EXTL3: variants seen among roughly 807,000 people sequenced by gnomAD.
EXTL3 encodes exostosin-like 3.
In EXTL3, 27 loss-of-function variants were observed where a neutral mutation model predicts 69.3. The ratio of observed to expected loss-of-function variants is 0.39; its 90% CI spans 0.29 to 0.54. The LOEUF (loss-of-function observed/expected upper bound fraction) is 0.54, where lower values mean the gene tolerates loss of function less well. Ranked by LOEUF, EXTL3 falls within the 20% of genes least tolerant of loss-of-function variation. The probability of loss-of-function intolerance (pLI) is 0.69; values close to 1 mark genes in which losing one functional copy is unlikely to be tolerated. For synonymous variants in EXTL3, 511 were observed against 499.4 expected, an observed-to-expected ratio of 1.02 and a Z score of -0.31; for missense variants, 1,003 against 1,231.8, an observed-to-expected ratio of 0.81 and a Z score of 2.78.
intron 3 of EXTL3, among the ~76,000 whole-genome samples, chr8:28,719,591 G>C (rs1411386446): frequency 1.3e-5 from 2 of 152,218 alleles, no homozygotes; most frequent in East Asian, 3.9e-4. Context: ...GCTATTCAAA[G>C]ACTGTAGGGT....
At chr8:28,738,396 G>A (rs1460879434) in intron 5 of EXTL3, among the ~76,000 whole-genome samples, 1 of 152,222 alleles carries the variant, frequency 6.6e-6, no homozygotes, top group Non-Finnish European at 1.5e-5. Context: ...GTAATTGTTT[G>A]TGTTGATTGC....
At chr8:28,714,148 C>T (rs773093098) in intron 2 of EXTL3, among the ~76,000 whole-genome samples, 5 of 151,950 alleles carry the variant, frequency 3.3e-5, no homozygotes, top group Non-Finnish European at 5.9e-5. Context: ...TCAGGAGATC[C>T]GCTCGCCTCG....
intron 1 of EXTL3, among the ~76,000 whole-genome samples, chr8:28,651,126 G>T (rs1233021156): frequency 6.6e-6 from 1 of 152,130 alleles, no homozygotes; most frequent in Non-Finnish European, 1.5e-5. Flanking sequence ...CCAGAATGCT[G>T]CAATGAGCAT....
chr8:28,622,084 A>C (rs1176132938), upstream of EXTL3, among the ~76,000 whole-genome samples: 1 of 152,110 alleles, frequency 6.6e-6, no homozygotes, highest in African/African-American at 2.4e-5. Flanking sequence ...TCTTCTCTAG[A>C]CTGAGCTGAC....
At chr8:28,668,888 G>A in intron 1 of EXTL3, among the ~76,000 whole-genome samples, 1 of 11,974 alleles carries the variant, frequency 8.4e-5, no homozygotes. Flanking sequence ...TTTTGAGACA[G>A]AGTCTTACTG....
chr8:28,649,789 C>T (rs1806887652), intron 1 of EXTL3, among the ~76,000 whole-genome samples: 1 of 152,132 alleles, frequency 6.6e-6, no homozygotes, highest in Non-Finnish European at 1.5e-5. Context: ...TCTAAAAATT[C>T]TTCCTCTTCT....
rs576888770 is a variant in EXTL3 at position 28,654,770 on chromosome 8, A to G, written c.-53+31960A>G. 3.9e-5 allele frequency among the ~76,000 whole-genome samples: 6 copies of G among 152,142 alleles called. No individual in the cohort carries two copies. In the East Asian group the frequency reaches 1.2e-3, roughly 29 times the overall value. ...TCTGGAGCCCCATCTTCTTTTTCAT[A>G]CCCCAATTTTGTTGTAATTCTGCAA... is the stretch of plus-strand genomic sequence containing the variant. On this transcript the variant is annotated intron_variant, in intron 1 of 6. Coordinates refer to the EXTL3 transcript ENST00000523149.
chr8:28,693,341 GTT>G (rs1053465959), intron 1 of EXTL3, among the ~76,000 whole-genome samples: 2 of 151,972 alleles, frequency 1.3e-5, no homozygotes, highest in African/African-American at 2.4e-5. Context: ...GTAGAGGTGG[GTT>G]TTTGCCATGT....
In EXTL3 at chr8:28,654,594, T is replaced by G. The variant is rs144817801; in HGVS notation, c.-53+31784T>G. On this transcript the variant is annotated intron_variant, in intron 1 of 6. Coordinates refer to the EXTL3 transcript ENST00000523149. ...ACTATGTTGCCCAGGCTGGGGAGTCTAGCTTTAAAAAAAATCTTTCAGGAA... is the reference window on the plus strand; with the variant it reads ...ACTATGTTGCCCAGGCTGGGGAGTCGAGCTTTAAAAAAAATCTTTCAGGAA... Among the ~76,000 whole-genome samples, 47 of 152,274 alleles carry G rather than the reference T, an allele frequency of 3.1e-4. 1 individual carries two copies. The East Asian group carries it at 8.5e-3, about 27-fold the overall frequency.
chr8:28,645,828 CTT>C (rs34032752), intron 1 of EXTL3, among the ~76,000 whole-genome samples: 47,176 of 140,592 alleles, frequency 0.34, 8,162 homozygotes, highest in African/African-American at 0.47. Context: ...TGCACCTGGA[CTT>C]TTTTTTTTTT....
At chr8:28,756,135 G>A (rs746774293), downstream of EXTL3, among the ~76,000 whole-genome samples, 16 of 152,266 alleles carry the variant, frequency 1.1e-4, no homozygotes, top group Non-Finnish European at 1.6e-4. Flanking sequence ...CATCTTCAGT[G>A]TGCATTCTTT....
At chr8:28,669,064 A>C (rs991471929) in intron 1 of EXTL3, among the ~76,000 whole-genome samples, 3 of 151,812 alleles carry the variant, frequency 2.0e-5, no homozygotes, top group Non-Finnish European at 4.4e-5. Context: ...GGGTTTCACC[A>C]TGTTGGCCAG....
intron 1 of EXTL3, among the ~76,000 whole-genome samples, chr8:28,641,177 C>A (rs148992777): frequency 2.8e-3 from 426 of 152,260 alleles, no homozygotes; most frequent in Admixed American, 5.2e-3. Context: ...ACAGTTTCAC[C>A]TCAGAAGGAT....
chr8:28,654,953 G>A (rs904319824), intron 1 of EXTL3, among the ~76,000 whole-genome samples: 1 of 152,174 alleles, frequency 6.6e-6, no homozygotes, highest in Admixed American at 6.5e-5. Flanking sequence ...ATAAAATGGT[G>A]GCAGACCTTT....
At chr8:28,667,000 C>T (rs931189366) in intron 1 of EXTL3, among the ~76,000 whole-genome samples, 2 of 152,208 alleles carry the variant, frequency 1.3e-5, no homozygotes, top group African/African-American at 4.8e-5. Flanking sequence ...CTGGCAGACT[C>T]AACTTGAAGG....
intron 1 of EXTL3, among the ~76,000 whole-genome samples, chr8:28,661,801 C>T (rs998215627): frequency 6.6e-6 from 1 of 151,840 alleles, no homozygotes; most frequent in African/African-American, 2.4e-5. Flanking sequence ...AGGAAAATTG[C>T]TTGAACCCGG....
At chr8:28,719,606 A>T (rs1801252978) in intron 3 of EXTL3, among the ~76,000 whole-genome samples, 1 of 152,212 alleles carries the variant, frequency 6.6e-6, no homozygotes, top group African/African-American at 2.4e-5. Context: ...TAGGGTTATA[A>T]ATCCTTTTTA....
At chr8:28,645,573 TAATGA>T (rs980941494) in intron 1 of EXTL3, among the ~76,000 whole-genome samples, 2 of 152,226 alleles carry the variant, frequency 1.3e-5, no homozygotes, top group African/African-American at 4.8e-5. Flanking sequence ...TGTATGCTGG[TAATGA>T]AATTAAATTT....
intron 1 of EXTL3, among the ~76,000 whole-genome samples, chr8:28,702,816 CTTTCT>C (rs1433728146): frequency 2.0e-5 from 3 of 152,044 alleles, no homozygotes; most frequent in Non-Finnish European, 2.9e-5. Flanking sequence ...GCTCCCCGTG[CTTTCT>C]TTTGTTTTTA....
Sources: gnomAD v4.1 joint callset for allele counts (sites outside exome capture counted in the v4.1 genomes callset) on GRCh38, gnomAD v4.1.1 for gene constraint, MANE v1.5 for transcripts, NCBI Gene and HGNC (gene_info 2026-07-23, HGNC 2026-07-21) for gene names.